The following GRB10 variants were observed in gnomAD, a reference collection of about 807,000 sequenced individuals.
GRB10 encodes growth factor receptor-bound protein 10.
Under a neutral mutation model 80.9 loss-of-function variants are expected in GRB10, and 20 were observed. That is an observed-to-expected ratio of 0.25 (90% CI 0.17 to 0.36). GRB10 has a LOEUF of 0.36. Ranked by LOEUF, GRB10 falls within the 10% of genes least tolerant of loss-of-function variation. The probability of loss-of-function intolerance (pLI) is 1.00; values close to 1 mark genes in which losing one functional copy is unlikely to be tolerated. For synonymous variants in GRB10, 291 were observed against 291.5 expected (o/e 1.00, Z 0.02); for missense variants, 548 against 747.7 (o/e 0.73, Z 3.12).
chr7:50,726,803 G>A (rs563284438), intron 4 of GRB10: 1 of 152,264 alleles, frequency 6.6e-6, no homozygotes, highest in South Asian at 2.1e-4. Flanking sequence ...CAAATTCTAT[G>A]TTTTATTATA....
intron 3 of GRB10, among the ~76,000 whole-genome samples, chr7:50,755,684 T>C (rs1008165796): frequency 2.0e-5 from 3 of 152,074 alleles, no homozygotes; most frequent in African/African-American, 7.2e-5. Flanking sequence ...CAGCCCGGTG[T>C]TCCCAGGCAG....
rs539259240 is a variant in GRB10, at chr7:50,629,128, A to T, written c.505-2150T>A. On this transcript the variant is annotated intron_variant, in intron 7 of 18. Coordinates refer to ENST00000401949, the MANE Select transcript of GRB10 (RefSeq NM_001350814.2). Reference sequence around the variant, plus strand: ...ATGCTCTTCTTCCCTGAGTCTCTCAATGAGCTTATCTGCACTGAGGATACA... The same window carrying T: ...ATGCTCTTCTTCCCTGAGTCTCTCATTGAGCTTATCTGCACTGAGGATACA... Among the ~76,000 whole-genome samples, 3 of 152,292 alleles carry T rather than the reference A, an allele frequency of 2.0e-5. No individual in the cohort carries two copies. In the East Asian group the frequency reaches 5.8e-4, roughly 29 times the overall value.
At chr7:50,671,290 C>T (rs2244479) in intron 6 of GRB10, among the ~76,000 whole-genome samples, 99,328 of 152,052 alleles carry the variant, frequency 0.65, 32,752 homozygotes, top group African/African-American at 0.72. Context: ...AGGCTGTGTC[C>T]TCAAGTAATT....
At chr7:50,638,167 A>G (rs944468672) in intron 7 of GRB10, among the ~76,000 whole-genome samples, 2 of 152,226 alleles carry the variant, frequency 1.3e-5, no homozygotes, top group South Asian at 4.1e-4. Context: ...GGAAACTATA[A>G]AAGTCCTAGA....
At position 50,592,201 on chromosome 7, in the gene GRB10, C is replaced by G. The variant is rs1033684682; in HGVS notation, c.*751G>C. On this transcript the variant is annotated 3_prime_UTR_variant, in exon 19 of 19. Coordinates refer to ENST00000401949, the MANE Select transcript of GRB10 (RefSeq NM_001350814.2). Reference sequence around the variant, plus strand: ...ATAAAGTCTCCTGCACTGTGCAGAACAAGACACACTAATAACAAGAGGATC... The same window carrying G: ...ATAAAGTCTCCTGCACTGTGCAGAAGAAGACACACTAATAACAAGAGGATC... 1.3e-5 allele frequency: 2 copies of G among 153,766 alleles called. No individual in the cohort carries two copies. The highest frequency in any genetic ancestry group is 4.8e-5 in the African/African-American group (2 of 41,442). The allele number at this position is 153,766 out of a possible 1,614,324, so 9.5% of individuals were successfully genotyped here.
intron 4 of GRB10, among the ~76,000 whole-genome samples, chr7:50,728,098 A>T (rs1398871056): frequency 6.6e-6 from 1 of 152,204 alleles, no homozygotes; most frequent in Non-Finnish European, 1.5e-5. Flanking sequence ...AAATTTAAAG[A>T]GAGACATTTC....
chr7:50,630,429 T>C (rs1231639292), intron 7 of GRB10, among the ~76,000 whole-genome samples: 1 of 152,160 alleles, frequency 6.6e-6, no homozygotes, highest in Non-Finnish European at 1.5e-5. Flanking sequence ...AGATACCCTC[T>C]TGAAAAGATC....
At chr7:50,775,612 T>C (rs903348673) in intron 2 of GRB10, among the ~76,000 whole-genome samples, 1 of 152,186 alleles carries the variant, frequency 6.6e-6, no homozygotes, top group East Asian at 1.9e-4. Context: ...GGGGGCTCTT[T>C]TTGGCACTCC....
intron 1 of GRB10, chr7:50,792,702 G>T: frequency 2.7e-6 from 1 of 371,270 alleles, no homozygotes. Context: ...GGGAGTGTCT[G>T]GCACCACTGT....
chr7:50,779,718 C>A (rs935278089), intron 2 of GRB10: 1 of 152,294 alleles, frequency 6.6e-6, no homozygotes, highest in African/African-American at 2.4e-5. Flanking sequence ...AACGGCACAT[C>A]ACCAGTCTCA....
chr7:50,615,018 A>ACACCT, intron 11 of GRB10, 138 bp from the exon 12 acceptor site: 1 of 699,744 alleles, frequency 1.4e-6, no homozygotes, highest in Non-Finnish European at 2.6e-6. Context: ...TATGATTATT[A>ACACCT]CGCGAGGTGT....
chr7:50,715,737 G>A (rs1321427599), intron 4 of GRB10, among the ~76,000 whole-genome samples: 1 of 152,164 alleles, frequency 6.6e-6, no homozygotes, highest in Admixed American at 6.5e-5. Flanking sequence ...TAGAACCACG[G>A]TTAAAATAAT....
upstream of GRB10, among the ~76,000 whole-genome samples, chr7:50,783,319 G>A (rs1361004125): frequency 6.6e-6 from 1 of 152,136 alleles, no homozygotes; most frequent in Non-Finnish European, 1.5e-5. Flanking sequence ...TGAACAACGA[G>A]GACAAAGTAG....
intron 7 of GRB10, among the ~76,000 whole-genome samples, chr7:50,666,439 T>G (rs2059809006): frequency 6.6e-6 from 1 of 152,140 alleles, no homozygotes; most frequent in Non-Finnish European, 1.5e-5. Context: ...TTCCCTCCCC[T>G]CCTTCCTTTC....
At chr7:50,793,172 G>A (rs1473225687) in intron 1 of GRB10, 1 of 145,486 alleles carries the variant, frequency 6.9e-6, no homozygotes, top group Non-Finnish European at 1.5e-5. Flanking sequence ...GGCCCCGCGG[G>A]GACGCCAACC....
chr7:50,662,987 T>C (rs562738278), intron 7 of GRB10, among the ~76,000 whole-genome samples: 2 of 152,232 alleles, frequency 1.3e-5, no homozygotes, highest in East Asian at 1.9e-4. Flanking sequence ...TTCCATAACA[T>C]AGATTCATTT....
At chr7:50,755,504 A>G (rs892972164) in intron 3 of GRB10, among the ~76,000 whole-genome samples, 3 of 152,098 alleles carry the variant, frequency 2.0e-5, no homozygotes, top group Non-Finnish European at 4.4e-5. Flanking sequence ...AACAGCTACC[A>G]ACTCCTGAGG....
chr7:50,791,592 A>T (rs972259499), intron 1 of GRB10, among the ~76,000 whole-genome samples: 4 of 152,238 alleles, frequency 2.6e-5, no homozygotes, highest in African/African-American at 9.6e-5. Context: ...GATTAAAAGC[A>T]ACAAGGCTTT....
chr7:50,612,949 C>A, intron 12 of GRB10, 110 bp from the exon 13 acceptor site: 1 of 744,236 alleles, frequency 1.3e-6, no homozygotes, highest in Non-Finnish European at 2.4e-6. Context: ...GCTGGAGATC[C>A]CCCTAGCAAG....
Sources: gnomAD v4.1 joint callset for allele counts (sites outside exome capture counted in the v4.1 genomes callset) on GRCh38, gnomAD v4.1.1 for gene constraint, MANE v1.5 for transcripts, NCBI Gene and HGNC (gene_info 2026-07-23, HGNC 2026-07-21) for gene names.